The following TMEM229B variants were observed in gnomAD, a reference collection of about 807,000 sequenced individuals.
TMEM229B encodes the protein chromosome 14 open reading frame 83.
In TMEM229B, 6 loss-of-function variants were observed where a neutral mutation model predicts 13.7. The observed-to-expected ratio is 0.44, with a 90% CI of 0.24 to 0.86. The LOEUF (loss-of-function observed/expected upper bound fraction) is 0.86. Among genes scored for constraint, TMEM229B ranks in the 40% least tolerant of loss-of-function variants. The pLI is 0.23. For missense variants in TMEM229B, 170 were observed against 236.0 expected (o/e 0.72, Z 1.83); for synonymous variants, 107 against 102.1 (o/e 1.05, Z -0.29).
At chr14:67,517,457 GC>G, upstream of TMEM229B, among the ~76,000 whole-genome samples, 1 of 152,056 alleles carries the variant, frequency 6.6e-6, no homozygotes, top group East Asian at 1.9e-4. Flanking sequence ...AAACTCAGAG[GC>G]AAAAAATAAA....
intron 1 of TMEM229B, among the ~76,000 whole-genome samples, chr14:67,504,954 G>T (rs139571103): frequency 6.6e-6 from 1 of 152,218 alleles, no homozygotes; most frequent in East Asian, 1.9e-4. Flanking sequence ...ATTGTGCATT[G>T]CTGTGTTGCT....
intron 2 of TMEM229B, among the ~76,000 whole-genome samples, chr14:67,477,142 GACA>G (rs1161975013): frequency 1.3e-5 from 2 of 148,552 alleles, no homozygotes; most frequent in Admixed American, 6.7e-5. Context: ...CTCCAGCCTG[GACA>G]ACAAGAGCGA....
chr14:67,523,269 A>G (rs1407538340), intron 1 of TMEM229B, among the ~76,000 whole-genome samples: 1 of 151,660 alleles, frequency 6.6e-6, no homozygotes, highest in Admixed American at 6.6e-5. Context: ...GGTTGCAGTG[A>G]GCCAAGATGG....
upstream of TMEM229B, among the ~76,000 whole-genome samples, chr14:67,490,892 C>T (rs758161172): frequency 6.6e-6 from 1 of 152,158 alleles, no homozygotes; most frequent in East Asian, 1.9e-4. Flanking sequence ...ATGGGGTGGG[C>T]GTGGAGGGGG....
intron 1 of TMEM229B, among the ~76,000 whole-genome samples, chr14:67,498,078 A>G (rs2032462078): frequency 6.6e-6 from 1 of 152,118 alleles, no homozygotes; most frequent in South Asian, 2.1e-4. Context: ...ACCGCCAAAG[A>G]GAACAATTGT....
chr14:67,483,503 G>A (rs1397551657), intron 2 of TMEM229B, among the ~76,000 whole-genome samples: 1 of 152,218 alleles, frequency 6.6e-6, no homozygotes, highest in Non-Finnish European at 1.5e-5. Context: ...ACAACAGGAA[G>A]CAAGGAGAAG....
chr14:67,517,930 G>A (rs1414847165), upstream of TMEM229B, among the ~76,000 whole-genome samples: 1 of 152,190 alleles, frequency 6.6e-6, no homozygotes, highest in Non-Finnish European at 1.5e-5. Context: ...AAGATCAGGG[G>A]TGCACAGGGT....
At chr14:67,484,150 A>T (rs1044562262) in intron 2 of TMEM229B, among the ~76,000 whole-genome samples, 2 of 152,108 alleles carry the variant, frequency 1.3e-5, no homozygotes, top group African/African-American at 4.8e-5. Context: ...TCTACATAGC[A>T]CTTTCACTTT....
At chr14:67,521,262 T>C (rs945179489) in intron 1 of TMEM229B, among the ~76,000 whole-genome samples, 3 of 152,240 alleles carry the variant, frequency 2.0e-5, no homozygotes, top group African/African-American at 7.2e-5. Context: ...CAGACTTCTG[T>C]ATAGCTGTGA....
At chr14:67,521,317 A>T (rs75863696) in intron 1 of TMEM229B, among the ~76,000 whole-genome samples, 1 of 152,222 alleles carries the variant, frequency 6.6e-6, no homozygotes, top group African/African-American at 2.4e-5. Flanking sequence ...AAGCAAATGC[A>T]AAAGTTTACT....
At chr14:67,508,422 A>T (rs2032905568) in intron 1 of TMEM229B, among the ~76,000 whole-genome samples, 1 of 152,022 alleles carries the variant, frequency 6.6e-6, no homozygotes, top group Non-Finnish European at 1.5e-5. Context: ...AAGCCAAAAA[A>T]CTTGCATCAC....
chr14:67,508,766 A>AC (rs2032925750), intron 1 of TMEM229B, among the ~76,000 whole-genome samples: 1 of 150,780 alleles, frequency 6.6e-6, no homozygotes. Context: ...AAAAAAAAAA[A>AC]AAAAACAGAA....
At chr14:67,498,007 G>A (rs542271982) in intron 1 of TMEM229B, among the ~76,000 whole-genome samples, 7 of 151,858 alleles carry the variant, frequency 4.6e-5, no homozygotes, top group South Asian at 2.1e-4. Context: ...CCCACTACCC[G>A]TCAACACTCC....
chr14:67,477,726 A>T (rs1041445573), intron 2 of TMEM229B, among the ~76,000 whole-genome samples: 1 of 152,204 alleles, frequency 6.6e-6, no homozygotes. Context: ...GAACTCTTGA[A>T]TTCAAGACTA....
intron 1 of TMEM229B, among the ~76,000 whole-genome samples, chr14:67,510,002 C>T (rs1411934290): frequency 2.1e-5 from 3 of 144,976 alleles, no homozygotes; most frequent in African/African-American, 7.5e-5. Context: ...AGAGAGAGAA[C>T]CCGTCTCTAA....
upstream of TMEM229B, among the ~76,000 whole-genome samples, chr14:67,515,722 T>C (rs1374511188): frequency 6.6e-6 from 1 of 152,116 alleles, no homozygotes; most frequent in Non-Finnish European, 1.5e-5. Context: ...CCGGAGCTTG[T>C]AGTTGTGGGG....
At chr14:67,509,768 A>T (rs2032964257) in intron 1 of TMEM229B, among the ~76,000 whole-genome samples, 1 of 152,124 alleles carries the variant, frequency 6.6e-6, no homozygotes, top group Non-Finnish European at 1.5e-5. Flanking sequence ...GCACTTTGGG[A>T]GGCTGAGGCA....
intron 1 of TMEM229B, among the ~76,000 whole-genome samples, chr14:67,509,911 G>A (rs1594713941): frequency 6.6e-6 from 1 of 152,202 alleles, no homozygotes; most frequent in Non-Finnish European, 1.5e-5. Context: ...TAGGGAGGCT[G>A]AGGCAGGAGG....
chr14:67,489,483 G>T (rs1188264225), upstream of TMEM229B, among the ~76,000 whole-genome samples: 1 of 152,186 alleles, frequency 6.6e-6, no homozygotes, highest in Non-Finnish European at 1.5e-5. Context: ...AGACGCTGCT[G>T]GGAGCGTGAA....
Sources: allele counts gnomAD v4.1 joint callset (sites outside exome capture counted in the v4.1 genomes callset), GRCh38; gene constraint gnomAD v4.1.1; transcripts MANE v1.5; gene names NCBI Gene and HGNC (gene_info 2026-07-23, HGNC 2026-07-21).